WAPL: variants seen among roughly 807,000 people sequenced by gnomAD.
The protein encoded by WAPL is WAPL cohesin release factor, also known as wings apart-like protein homolog.
WAPL carries 5 observed loss-of-function variants against 121.0 expected under a neutral mutation model. The ratio of observed to expected loss-of-function variants is 0.04; its 90% CI spans 0.02 to 0.09. The LOEUF (loss-of-function observed/expected upper bound fraction) is 0.09. WAPL is among the 10% of genes least tolerant of loss of function. WAPL has a pLI of 1.00. For synonymous variants in WAPL, 480 were observed against 481.5 expected (o/e 1.00, Z 0.04); for missense variants, 999 against 1,410.8 (o/e 0.71, Z 4.68).
chr10:86,499,574 A>C, intron 3 of WAPL, 144 bp downstream of exon 3: 1 of 732,628 alleles, frequency 1.4e-6, no homozygotes, highest in Non-Finnish European at 2.1e-6. Context: ...AATAAATGTT[A>C]TGTGAATGGG....
intron 4 of WAPL, among the ~76,000 whole-genome samples, chr10:86,488,049 G>A (rs1298963044): frequency 6.6e-6 from 1 of 152,150 alleles, no homozygotes; most frequent in Non-Finnish European, 1.5e-5. Context: ...CATACATGAC[G>A]ATTGTGAAAA....
intron 9 of WAPL, among the ~76,000 whole-genome samples, chr10:86,462,830 AAAGAGT>A (rs1396617802): frequency 6.6e-6 from 1 of 152,026 alleles, no homozygotes; most frequent in Non-Finnish European, 1.5e-5. Flanking sequence ...TCTGTCCCTC[AAAGAGT>A]AATTTAGACT....
intron 4 of WAPL, among the ~76,000 whole-genome samples, chr10:86,496,963 T>C (rs1842161742): frequency 1.3e-5 from 2 of 152,204 alleles, no homozygotes; most frequent in African/African-American, 4.8e-5. Context: ...TAGATAATTG[T>C]GATGGTTACA....
chr10:86,477,779 C>T (rs1229203803), intron 4 of WAPL, among the ~76,000 whole-genome samples: 1 of 151,616 alleles, frequency 6.6e-6, no homozygotes, highest in East Asian at 1.9e-4. Flanking sequence ...CCAGCCTGGG[C>T]AACAGAAAAG....
intron 4 of WAPL, 152 bp downstream of exon 4, chr10:86,497,049 T>TAAA: frequency 4.9e-6 from 3 of 616,746 alleles, no homozygotes; most frequent in Non-Finnish European, 8.2e-6. Context: ...TACAATTTTT[T>TAAA]AAAAAATGGT....
Position 86,446,255 on chromosome 10 carries a change from A to C in WAPL, c.3309T>G (p.Leu1103=). Residue 1103 remains leucine, a synonymous_variant, in exon 16 of 19, where the codon CTT becomes CTG. Coordinates refer to ENST00000298767, the MANE Select transcript of WAPL (RefSeq NM_015045.5). ...AAGTAAATATACCTTTATTGAGGTC[A>C]AGTTCTTCATCCTCCTCCTCCTTCT... The part of the protein sequence containing the change: ...KHKKEEEDEE[L]DLNKALQHAG... 1 of 1,614,116 alleles carries C rather than the reference A, an allele frequency of 6.2e-7. No individual in the cohort carries two copies. Among genetic ancestry groups the C allele is most frequent in the African/African-American group, 1.3e-5 (1 of 75,044 alleles).
intron 16 of WAPL, among the ~76,000 whole-genome samples, chr10:86,444,718 T>C (rs1849559471): frequency 6.6e-6 from 1 of 151,920 alleles, no homozygotes; most frequent in Non-Finnish European, 1.5e-5. Flanking sequence ...GTTCCTTTAG[T>C]GGTGATAAAA....
At chr10:86,480,638 GACA>G (rs61052051) in intron 4 of WAPL, among the ~76,000 whole-genome samples, 132,725 of 151,950 alleles carry the variant, frequency 0.87, 58,419 homozygotes, top group Non-Finnish European at 0.92. Context: ...AATATCTTGA[GACA>G]ACACCACCTG....
chr10:86,475,395 T>C (rs1168554861), intron 4 of WAPL, among the ~76,000 whole-genome samples: 1 of 152,248 alleles, frequency 6.6e-6, no homozygotes, highest in East Asian at 1.9e-4. Context: ...TGGAAAATCA[T>C]ACTTCAAGAC....
At chr10:86,451,835 A>C in intron 15 of WAPL, 132 bp downstream of exon 15, 1 of 968,072 alleles carries the variant, frequency 1.0e-6, no homozygotes, top group Non-Finnish European at 1.5e-6. Context: ...CTAACTAAAA[A>C]GGCCGGGGGA....
At chr10:86,508,981 G>A (rs981489840) in intron 2 of WAPL, among the ~76,000 whole-genome samples, 2 of 151,846 alleles carry the variant, frequency 1.3e-5, no homozygotes, top group Admixed American at 6.6e-5. Flanking sequence ...CTGACCTCGT[G>A]ATCCGCCCGC....
At chr10:86,517,213 C>T (rs1292741103) in intron 2 of WAPL, among the ~76,000 whole-genome samples, 1 of 152,280 alleles carries the variant, frequency 6.6e-6, no homozygotes, top group African/African-American at 2.4e-5. Flanking sequence ...TTTAAATACT[C>T]ATCTCATTTT....
At chr10:86,480,826 G>T (rs1399464039) in intron 4 of WAPL, among the ~76,000 whole-genome samples, 1 of 152,194 alleles carries the variant, frequency 6.6e-6, no homozygotes, top group Non-Finnish European at 1.5e-5. Context: ...TCTAGGGATG[G>T]TTCATTGCCT....
intron 4 of WAPL, among the ~76,000 whole-genome samples, chr10:86,492,004 C>A (rs1359316183): frequency 6.6e-6 from 1 of 152,136 alleles, no homozygotes; most frequent in Non-Finnish European, 1.5e-5. Flanking sequence ...ACTGTCTGAC[C>A]AACACTGCCC....
intron 4 of WAPL, among the ~76,000 whole-genome samples, chr10:86,479,855 C>A (rs1178271650): frequency 6.6e-6 from 1 of 152,086 alleles, no homozygotes; most frequent in African/African-American, 2.4e-5. Flanking sequence ...TCAAAAATTT[C>A]TTTAAAGGAT....
chr10:86,518,148 C>T, intron 1 of WAPL, 57 bp from the exon 2 acceptor site: 20 of 1,481,412 alleles, frequency 1.4e-5, no homozygotes, highest in Non-Finnish European at 1.8e-5. Context: ...TTAAACAGTG[C>T]ATATAAAAAT....
intron 2 of WAPL, among the ~76,000 whole-genome samples, chr10:86,511,199 T>C (rs1048300258): frequency 2.0e-5 from 3 of 152,110 alleles, no homozygotes; most frequent in Non-Finnish European, 4.4e-5. Flanking sequence ...CTCAGAAGGC[T>C]GAGGCAGGAG....
intron 7 of WAPL, among the ~76,000 whole-genome samples, chr10:86,471,546 C>A (rs1841533038): frequency 6.6e-6 from 1 of 152,144 alleles, no homozygotes. Flanking sequence ...ATGTAAGCGT[C>A]CAGATCACAA....
rs946202472 is a variant in WAPL at position 86,499,823 on chromosome 10, T to G, written c.1420A>C (p.Lys474Gln). ...DEDDDCQVER[K>Q]TSKKRTKTAP... is the part of the protein sequence containing the mutation. Reference sequence around the variant, plus strand: ...GTTTTAGTTCTTTTTTTGCTTGTCTTTCTTTCTACTTGACAGTCATCATCT... The same window carrying G: ...GTTTTAGTTCTTTTTTTGCTTGTCTGTCTTTCTACTTGACAGTCATCATCT... Residue 474 changes from lysine (K) to glutamine (Q), a missense_variant, in exon 3 of 19, where the codon AAG becomes CAG. Around this residue, in one of 7 missense-constraint regions of WAPL, gnomAD observed 531 missense variants for 563.1 expected, o/e 0.94. Transcript: ENST00000298767. 5.1e-5 allele frequency: 82 copies of G among 1,613,622 alleles called. No individual in the cohort carries two copies. The highest frequency in any genetic ancestry group is 6.6e-5 in the Non-Finnish European group (78 of 1,179,952).
Sources: allele counts gnomAD v4.1 joint callset (sites outside exome capture counted in the v4.1 genomes callset), GRCh38; gene constraint gnomAD v4.1.1; regional missense constraint gnomAD v4.1.1; transcripts MANE v1.5; gene names NCBI Gene and HGNC (gene_info 2026-07-23, HGNC 2026-07-21).